Variants in ZNF503 observed in about 807,000 individuals in gnomAD.
ZNF503 encodes NocA-like zinc finger 2.
ZNF503 carries 15 observed loss-of-function variants against 34.4 expected under a neutral mutation model. The observed-to-expected ratio is 0.44, with a 90% CI of 0.29 to 0.67. The LOEUF (loss-of-function observed/expected upper bound fraction) is 0.67, where lower values mean the gene tolerates loss of function less well. ZNF503 is among the 30% of genes least tolerant of loss of function. ZNF503 has a pLI of 0.13. For synonymous variants in ZNF503, 580 were observed against 456.8 expected, an observed-to-expected ratio of 1.27 and a Z score of -3.44; for missense variants, 1,007 against 926.8, an observed-to-expected ratio of 1.09 and a Z score of -1.12.
At chr10:75,335,964 A>G in the ZNF503 span, among the ~76,000 whole-genome samples, 1 of 152,068 alleles carries the variant, frequency 6.6e-6, no homozygotes, top group Non-Finnish European at 1.5e-5. Context: ...CCCATTCCTC[A>G]CTAGAAACAC....
chr10:75,320,045 A>C, the ZNF503 span, among the ~76,000 whole-genome samples: 1 of 152,228 alleles, frequency 6.6e-6, no homozygotes, highest in Non-Finnish European at 1.5e-5. Flanking sequence ...CTTCCAGAAA[A>C]ATAGAGGAGG....
At chr10:75,394,374 G>T (rs181421374), downstream of ZNF503, among the ~76,000 whole-genome samples, 436 of 152,328 alleles carry the variant, frequency 2.9e-3, no homozygotes, top group Middle Eastern at 0.01. Context: ...GTCAGCCTGG[G>T]TTTTCCAGTC....
At position 75,399,689 on chromosome 10, in the gene ZNF503, G is replaced by A. The variant is rs752562212; in HGVS notation, c.1001C>T (p.Ser334Phe). 6.2e-7 allele frequency: 1 copy of A among 1,600,440 alleles called. No individual in the cohort carries two copies. The highest frequency in any genetic ancestry group is 8.5e-7 in the Non-Finnish European group (1 of 1,179,316). Reference protein sequence around the residue: ...SAPTSSSVLGSGLVAPVSPYK... With the variant: ...SAPTSSSVLGFGLVAPVSPYK... ...GGGTGACACGGGAGCCACCAGCCCA[G>A]AGCCCAACACTGAGGAGGAGGTGGG... The change falls in exon 2 of 2, where the codon TCT becomes TTT. Residue 334 changes from serine (S) to phenylalanine (F), a missense_variant. By Grantham distance (155) the Ser-to-Phe change is radical (BLOSUM62 -2). Transcript: ENST00000372524.
chr10:75,333,043 T>C, the ZNF503 span, among the ~76,000 whole-genome samples: 1 of 145,156 alleles, frequency 6.9e-6, no homozygotes, highest in Non-Finnish European at 1.5e-5. Flanking sequence ...CACTTCCCAG[T>C]AGGGGCGGCC....
the ZNF503 span, among the ~76,000 whole-genome samples, chr10:75,313,452 T>G: frequency 1.1e-4 from 16 of 152,242 alleles, no homozygotes; most frequent in East Asian, 2.5e-3. Context: ...GTGTAGTGAG[T>G]GAGCATTTGG....
At chr10:75,400,805 C>G (rs999093965) in intron 1 of ZNF503, among the ~76,000 whole-genome samples, 1 of 152,220 alleles carries the variant, frequency 6.6e-6, no homozygotes. Context: ...ACTTTGGAAC[C>G]GTATTTCAGA....
rs370207122 is a variant in ZNF503 at position 75,398,564 on chromosome 10, G to C, written c.*185C>G. ...TGGGGAGGTGAAAGTGGGGAGAAGG[G>C]GAGTGTCCCACCGGGTCTCGGTCGC... On this transcript the variant is annotated 3_prime_UTR_variant, in exon 2 of 2. Coordinates refer to ENST00000372524, the MANE Select transcript of ZNF503 (RefSeq NM_032772.6). The C allele has an allele frequency of 1.8e-4, 78 of 435,906 alleles. No individual in the cohort carries two copies. In the East Asian group the frequency reaches 2.1e-3, roughly 12 times the overall value. 27.0% of individuals were successfully genotyped at this position (435,906 alleles called of 1,614,324 possible).
At chr10:75,294,647 G>C in the ZNF503 span, among the ~76,000 whole-genome samples, 1 of 150,880 alleles carries the variant, frequency 6.6e-6, no homozygotes, top group Non-Finnish European at 1.5e-5. Flanking sequence ...GAAGGCAGTC[G>C]CCCAAGGGCA....
At chr10:75,390,026 G>A in the ZNF503 span, among the ~76,000 whole-genome samples, 1 of 152,052 alleles carries the variant, frequency 6.6e-6, no homozygotes, top group Non-Finnish European at 1.5e-5. Context: ...CAGAGTAGCT[G>A]GGACTACAGG....
chr10:75,293,613 G>GCC, the ZNF503 span, among the ~76,000 whole-genome samples: 452 of 151,154 alleles, frequency 3.0e-3, 5 homozygotes, highest in African/African-American at 0.01. Flanking sequence ...TTACCAGAGT[G>GCC]CCCCCCCCGT....
chr10:75,279,872 A>G, the ZNF503 span: 2 of 152,170 alleles, frequency 1.3e-5, no homozygotes, highest in Non-Finnish European at 2.9e-5. Flanking sequence ...CAGAAGGCAC[A>G]AGGGATCTCT....
At chr10:75,373,150 C>T in the ZNF503 span, among the ~76,000 whole-genome samples, 1 of 152,256 alleles carries the variant, frequency 6.6e-6, no homozygotes, top group South Asian at 2.1e-4. Flanking sequence ...CTGTGGACGG[C>T]TAACAGCTCA....
chr10:75,332,951 C>T, the ZNF503 span, among the ~76,000 whole-genome samples: 4 of 143,880 alleles, frequency 2.8e-5, no homozygotes, highest in Non-Finnish European at 4.6e-5. Context: ...TCCACAAAGC[C>T]GCCATTGTCA....
the ZNF503 span, among the ~76,000 whole-genome samples, chr10:75,351,038 A>G: frequency 2.6e-5 from 4 of 152,232 alleles, no homozygotes. Flanking sequence ...GTGGATGGGT[A>G]TTCAGGTTGT....
the ZNF503 span, among the ~76,000 whole-genome samples, chr10:75,355,478 C>G: frequency 1.3e-5 from 2 of 152,146 alleles, no homozygotes; most frequent in South Asian, 2.1e-4. Flanking sequence ...CACGATACCT[C>G]CCTGCTGCCC....
chr10:75,398,958 A>C lies in ZNF503; in HGVS notation c.1732T>G (p.Ser578Ala), dbSNP rs954773365. ...GTCCCAGGGCTGCCCGGTGCGCCCG[A>C]GGTGGGGATGTGCATGTGGCAAGCC... is the stretch of plus-strand genomic sequence containing the variant. ...AMACHMHIPT[S>A]GAPGSPGTLA... The change falls in exon 2 of 2, where the codon TCG becomes GCG. Residue 578 changes from serine to alanine, a missense_variant. By Grantham distance (99) the Ser-to-Ala change is moderately conservative. Coordinates refer to ENST00000372524, the MANE Select transcript of ZNF503 (RefSeq NM_032772.6). 4.4e-6 allele frequency: 7 copies of C among 1,602,770 alleles called. No individual in the cohort carries two copies. The highest frequency in any genetic ancestry group is 4.2e-6 in the Non-Finnish European group (5 of 1,178,312).
chr10:75,281,352 C>T, the ZNF503 span, among the ~76,000 whole-genome samples: 6 of 152,030 alleles, frequency 3.9e-5, no homozygotes, highest in Admixed American at 6.5e-5. Context: ...GGTAAATGAG[C>T]GAGGCAGCCA....
chr10:75,346,079 G>A, the ZNF503 span, among the ~76,000 whole-genome samples: 1 of 152,224 alleles, frequency 6.6e-6, no homozygotes, highest in Non-Finnish European at 1.5e-5. Context: ...CTGATGAAAA[G>A]AGTAAGCATC....
Position 75,401,742 on chromosome 10 carries a change from G to A in ZNF503, c.-323C>T, listed in dbSNP as rs1843830781. 5.5e-6 allele frequency: 2 copies of A among 365,528 alleles called. No homozygotes were observed. The highest frequency in any genetic ancestry group is 9.9e-5 in the South Asian group (2 of 20,104). The allele number at this position is 365,528 out of a possible 1,614,324, so 22.6% of individuals were successfully genotyped here. ...GGCGCTGCGCTCTGCGATGCGAGCCGCTGCGTGTCCAGCCGGGGCTCTGGC... is the reference window on the plus strand; with the variant it reads ...GGCGCTGCGCTCTGCGATGCGAGCCACTGCGTGTCCAGCCGGGGCTCTGGC... On this transcript the variant is annotated 5_prime_UTR_variant, in exon 1 of 2. Transcript: ENST00000372524.
Sources: gnomAD v4.1 joint callset for allele counts (sites outside exome capture counted in the v4.1 genomes callset) on GRCh38, gnomAD v4.1.1 for gene constraint, MANE v1.5 for transcripts, NCBI Gene and HGNC (gene_info 2026-07-23, HGNC 2026-07-21) for gene names.